Variants in LRRIQ1 observed in about 807,000 individuals in gnomAD.
The protein encoded by LRRIQ1 is leucine rich repeats and IQ motif containing 1.
In LRRIQ1, 210 loss-of-function variants were observed where a neutral mutation model predicts 211.9. That is an observed-to-expected ratio of 0.99 (90% CI 0.89 to 1.11). The LOEUF is 1.11. Ranked by LOEUF, LRRIQ1 falls within the 50% of genes most tolerant of loss-of-function variation. The probability of loss-of-function intolerance (pLI) is 0.00; values close to 1 mark genes in which losing one functional copy is unlikely to be tolerated. For synonymous variants in LRRIQ1, 699 were observed against 650.1 expected (o/e 1.08, Z -1.14); for missense variants, 2,136 against 1,939.5 (o/e 1.10, Z -1.90).
At chr12:85,116,899 T>C (rs1316971332) in intron 15 of LRRIQ1, among the ~76,000 whole-genome samples, 1 of 146,452 alleles carries the variant, frequency 6.8e-6, no homozygotes, top group African/African-American at 2.5e-5. Flanking sequence ...TTTTTTTTTA[T>C]GGCTGCATAT....
intron 14 of LRRIQ1, among the ~76,000 whole-genome samples, 178 bp downstream of exon 14, chr12:85,104,255 C>T (rs1886611829): frequency 6.6e-6 from 1 of 151,932 alleles, no homozygotes; most frequent in Non-Finnish European, 1.5e-5. Flanking sequence ...AGTCATATTA[C>T]TTCCACATCT....
chr12:85,201,236 T>C (rs1241759144), intron 24 of LRRIQ1, among the ~76,000 whole-genome samples: 3 of 151,400 alleles, frequency 2.0e-5, no homozygotes, highest in Admixed American at 1.3e-4. Context: ...TTTTCTTTCT[T>C]TCTCTTCTTT....
chr12:85,185,484 G>T (rs1359679292), intron 24 of LRRIQ1, among the ~76,000 whole-genome samples: 1 of 151,670 alleles, frequency 6.6e-6, no homozygotes, highest in African/African-American at 2.4e-5. Context: ...TGAAAAATAT[G>T]TACAGAAATA....
chr12:85,190,930 A>G (rs1405707762), intron 24 of LRRIQ1, among the ~76,000 whole-genome samples: 1 of 152,000 alleles, frequency 6.6e-6, no homozygotes, highest in Non-Finnish European at 1.5e-5. Flanking sequence ...ATTGCACAGC[A>G]TATGTTAAAC....
intron 15 of LRRIQ1, among the ~76,000 whole-genome samples, chr12:85,119,512 T>C (rs1887822585): frequency 6.6e-6 from 1 of 152,154 alleles, no homozygotes; most frequent in Non-Finnish European, 1.5e-5. Context: ...TTCAATTCAT[T>C]TGAATAAATG....
chr12:85,229,626 G>C lies in LRRIQ1; in HGVS notation c.4932G>C (p.Thr1644=). 1 of 1,610,538 alleles carries C rather than the reference G, an allele frequency of 6.2e-7. No individual in the cohort carries two copies. The highest frequency in any genetic ancestry group is 8.5e-7 in the Non-Finnish European group (1 of 1,178,052). ...WLHTQVGVHE[T]TSSRNMKCNH... The stretch of plus-strand genomic sequence containing the variant: ...ACACACAGGTTGGGGTTCATGAAAC[G>C]ACTAGTTCCAGAAATATGAAATGGT... The change falls in exon 25 of 27, where the codon ACG becomes ACC. Residue 1644 remains threonine (T), a synonymous_variant. Coordinates refer to ENST00000393217, the MANE Select transcript of LRRIQ1 (RefSeq NM_001079910.2).
At chr12:85,064,375 T>G (rs769373102) in intron 8 of LRRIQ1, among the ~76,000 whole-genome samples, 1 of 151,900 alleles carries the variant, frequency 6.6e-6, no homozygotes, top group African/African-American at 2.4e-5. Flanking sequence ...ATTATGAGAC[T>G]TTTTCCTATT....
intron 18 of LRRIQ1, among the ~76,000 whole-genome samples, chr12:85,136,320 G>A (rs1889129006): frequency 6.6e-6 from 1 of 151,946 alleles, no homozygotes; most frequent in Non-Finnish European, 1.5e-5. Flanking sequence ...AACGTGGAAG[G>A]GAGTGGGAAA....
intron 9 of LRRIQ1, among the ~76,000 whole-genome samples, chr12:85,066,084 G>A (rs747668109): frequency 6.6e-6 from 1 of 151,878 alleles, no homozygotes; most frequent in Non-Finnish European, 1.5e-5. Context: ...ATGGATATGC[G>A]AATATTGGTT....
intron 1 of LRRIQ1, 42 bp from the exon 2 acceptor site, chr12:85,038,111 T>C: frequency 1.6e-6 from 2 of 1,287,290 alleles, no homozygotes; most frequent in East Asian, 2.8e-5. Context: ...AGAGAACACA[T>C]AATTTTTAGT....
At chr12:85,136,385 A>G (rs1889135577) in intron 18 of LRRIQ1, among the ~76,000 whole-genome samples, 2 of 151,988 alleles carry the variant, frequency 1.3e-5, no homozygotes, top group Admixed American at 1.3e-4. Context: ...GGTTGTTGGC[A>G]TGGGGAAAGT....
chr12:85,205,038 GT>G (rs750950341), intron 24 of LRRIQ1, among the ~76,000 whole-genome samples: 2 of 152,104 alleles, frequency 1.3e-5, no homozygotes, highest in African/African-American at 2.4e-5. Flanking sequence ...CAGGGGGGTG[GT>G]TTCTCTTATA....
chr12:85,156,680 G>T (rs768262580), intron 23 of LRRIQ1, among the ~76,000 whole-genome samples: 6 of 151,714 alleles, frequency 4.0e-5, no homozygotes, highest in Non-Finnish European at 7.4e-5. Flanking sequence ...AACACTGAAA[G>T]ATTTACTAGC....
At chr12:85,062,335 G>C (rs560218991) in intron 8 of LRRIQ1, among the ~76,000 whole-genome samples, 2 of 151,616 alleles carry the variant, frequency 1.3e-5, no homozygotes, top group Non-Finnish European at 3.0e-5. Flanking sequence ...GTAGTTTTTC[G>C]ACTCTTGTCC....
rs192557177 is a variant in LRRIQ1 at position 85,132,871 on chromosome 12, C to T, written c.4209+4838C>T. Among the ~76,000 whole-genome samples the T allele has an allele frequency of 2.4e-4, 36 of 151,998 alleles. No homozygotes were observed. The East Asian group carries it at 5.8e-3, about 24-fold the overall frequency. ...ATAGTGTTATTTATCTCTGTGGTAG[C>T]TTGCATGCACTAGTCATCCAGACCA... On this transcript the variant is annotated intron_variant, in intron 18 of 26. Coordinates refer to ENST00000393217, the MANE Select transcript of LRRIQ1 (RefSeq NM_001079910.2).
At position 85,142,508 on chromosome 12, in the gene LRRIQ1, A is replaced by G. The variant is rs147234272; in HGVS notation, c.4329+4539A>G. ...CGCTCTCAACATTTTTCAAGAGCAC[A>G]ATCTGTTGTTAGCTATAGCCATCAT... On this transcript the variant is annotated intron_variant, in intron 19 of 26. Transcript: ENST00000393217. 4.9e-3 allele frequency among the ~76,000 whole-genome samples: 737 copies of G among 151,694 alleles called. 8 individuals carry two copies. The highest frequency in any genetic ancestry group is 0.017 in the African/African-American group (711 of 41,456).
intron 13 of LRRIQ1, among the ~76,000 whole-genome samples, 193 bp downstream of exon 13, chr12:85,099,187 A>C (rs546275787): frequency 2.0e-5 from 3 of 151,946 alleles, no homozygotes; most frequent in African/African-American, 7.2e-5. Flanking sequence ...CATACCCTAA[A>C]ATTTTAGTAG....
At chr12:85,178,127 A>G (rs1009603204) in intron 24 of LRRIQ1, among the ~76,000 whole-genome samples, 9 of 151,966 alleles carry the variant, frequency 5.9e-5, no homozygotes, top group African/African-American at 2.2e-4. Context: ...CTCTCTTAGC[A>G]ATTGGTGTCC....
chr12:85,045,920 T>C (rs1879493251), intron 4 of LRRIQ1, 100 bp from the exon 5 acceptor site: 1 of 516,008 alleles, frequency 1.9e-6, no homozygotes, highest in Admixed American at 3.4e-5. Context: ...ACATTAAAAT[T>C]CTTGGTATAT....
Sources: allele counts gnomAD v4.1 joint callset (sites outside exome capture counted in the v4.1 genomes callset), GRCh38; gene constraint gnomAD v4.1.1; transcripts MANE v1.5; gene names NCBI Gene and HGNC (gene_info 2026-07-23, HGNC 2026-07-21).